Variants in C1orf54 observed in about 807,000 individuals in gnomAD.
The protein encoded by C1orf54 is chromosome 1 open reading frame 54.
A neutral mutation model predicts 14.7 loss-of-function variants in C1orf54; 12 were observed. The ratio of observed to expected loss-of-function variants is 0.82; its 90% CI spans 0.52 to 1.32. The LOEUF (loss-of-function observed/expected upper bound fraction) is 1.32, where lower values mean the gene tolerates loss of function less well. C1orf54 is among the 40% of genes most tolerant of loss of function. The pLI is 0.00. For missense variants in C1orf54, 163 were observed against 162.2 expected (o/e 1.00, Z -0.03); for synonymous variants, 65 against 56.3 (o/e 1.16, Z -0.70).
At chr1:150,276,064 G>A (rs897618189) in intron 3 of C1orf54, among the ~76,000 whole-genome samples, 5 of 151,986 alleles carry the variant, frequency 3.3e-5, no homozygotes, top group Non-Finnish European at 4.4e-5. Flanking sequence ...ACTTGAATCC[G>A]GGAGATGGAG....
At chr1:150,280,573 T>TGATGTATGGCAGGGCGGG (rs1653008305) in intron 5 of C1orf54, among the ~76,000 whole-genome samples, 1 of 152,026 alleles carries the variant, frequency 6.6e-6, no homozygotes, top group Non-Finnish European at 1.5e-5. Flanking sequence ...GGCAGGGCGG[T>TGATGTATGGCAGGGCGGG]GGGAGAGAAG....
rs782582490 is a variant in C1orf54, at chr1:150,279,707, C to T, written c.365C>T (p.Ala122Val). The T allele has an allele frequency of 1.1e-5, 17 of 1,612,936 alleles. No individual in the cohort carries two copies. The highest frequency in any genetic ancestry group is 1.7e-5 in the Admixed American group (1 of 59,836). Reference protein sequence around the residue: ...RSPIPLLLSCAFVQVGMYFM With the variant: ...RSPIPLLLSCVFVQVGMYFM The stretch of plus-strand genomic sequence containing the variant: ...CCTATTCCCCTCCTCCTGTCGTGTG[C>T]CTTTGTTCAGGTGGGGATGTATTTC... The change falls in exon 5 of 6, where the codon GCC (alanine) becomes GTC (valine). Residue 122 changes from alanine to valine, a missense_variant. Physicochemically the swap from Ala to Val is moderately conservative, Grantham distance 64 (BLOSUM62 0). Coordinates refer to ENST00000369099, the MANE Select transcript of C1orf54 (RefSeq NM_024579.4).
intron 4 of C1orf54, among the ~76,000 whole-genome samples, chr1:150,276,910 T>C (rs1178241214): frequency 2.0e-5 from 3 of 147,910 alleles, no homozygotes; most frequent in Non-Finnish European, 3.0e-5. Context: ...CTGATGCTGA[T>C]AAAAAAGAAA....
intron 3 of C1orf54, 85 bp downstream of exon 3, chr1:150,275,884 C>T: frequency 7.9e-7 from 1 of 1,260,088 alleles, no homozygotes; most frequent in Non-Finnish European, 1.1e-6. Context: ...TGCCTATAAT[C>T]CCAGCACTTT....
chr1:150,269,019 G>A (rs200019584), upstream of C1orf54: 9 of 517,988 alleles, frequency 1.7e-5, no homozygotes, highest in East Asian at 6.6e-5. Flanking sequence ...CCGAAGAGGG[G>A]ACAAATCCCG....
chr1:150,280,705 T>C, intron 5 of C1orf54, 130 bp from the exon 6 acceptor site: 1 of 689,188 alleles, frequency 1.5e-6, no homozygotes, highest in South Asian at 1.7e-5. Flanking sequence ...ACACACATCT[T>C]TCCCAGGAGC....
At chr1:150,276,242 G>T in intron 3 of C1orf54, among the ~76,000 whole-genome samples, 1 of 152,164 alleles carries the variant, frequency 6.6e-6, no homozygotes, top group East Asian at 1.9e-4. Flanking sequence ...TAAGTAGTAG[G>T]CCCAAAACAG....
intron 1 of C1orf54, 91 bp downstream of exon 1, chr1:150,272,954 A>G: frequency 1.5e-6 from 2 of 1,378,968 alleles, no homozygotes; most frequent in Non-Finnish European, 2.1e-6. Context: ...TGAGAGGTAC[A>G]TTTCAGTGGG....
Position 150,279,684 on chromosome 1 carries a change from T to C in C1orf54, c.342T>C (p.Pro114=), listed in dbSNP as rs782687729. Residue 114 remains proline (P), a synonymous_variant, in exon 5 of 6, where the codon CCT becomes CCC. Coordinates refer to ENST00000369099, the MANE Select transcript of C1orf54 (RefSeq NM_024579.4). ...ATGCCGTGTCCAGTTTGCGAAGTCC[T>C]ATTCCCCTCCTCCTGTCGTGTGCCT... ...LNDAVSSLRS[P]IPLLLSCAFV... 1.9e-5 allele frequency: 31 copies of C among 1,613,276 alleles called. No homozygotes were observed. The highest frequency in any genetic ancestry group is 2.5e-5 in the Non-Finnish European group (30 of 1,179,654).
At chr1:150,272,976 T>C in intron 1 of C1orf54, 113 bp downstream of exon 1, 1 of 1,207,356 alleles carries the variant, frequency 8.3e-7, no homozygotes, top group Non-Finnish European at 1.2e-6. Context: ...AGCGATAGAG[T>C]TTTCTCATCG....
upstream of C1orf54, among the ~76,000 whole-genome samples, chr1:150,270,358 G>C (rs587612702): frequency 2.6e-5 from 4 of 152,178 alleles, no homozygotes; most frequent in South Asian, 8.3e-4. Context: ...GATTTACACG[G>C]AGGCTGGTCA....
At chr1:150,272,542 G>A, upstream of C1orf54, 1 of 438,182 alleles carries the variant, frequency 2.3e-6, no homozygotes, top group East Asian at 4.2e-5. Flanking sequence ...GACAGTGGGA[G>A]TCTTGAATGG....
At chr1:150,274,468 C>T (rs1029168517) in intron 2 of C1orf54, among the ~76,000 whole-genome samples, 8 of 151,450 alleles carry the variant, frequency 5.3e-5, no homozygotes, top group South Asian at 2.1e-4. Flanking sequence ...GGTGTGGTGG[C>T]GGGTGCCTGC....
At chr1:150,271,727 G>A (rs1412140365), upstream of C1orf54, among the ~76,000 whole-genome samples, 14 of 152,336 alleles carry the variant, frequency 9.2e-5, no homozygotes, top group Admixed American at 5.2e-4. Flanking sequence ...CCTGTAGGAC[G>A]GAATGAAGGG....
At chr1:150,271,064 T>G (rs1256425406), upstream of C1orf54, among the ~76,000 whole-genome samples, 1 of 151,618 alleles carries the variant, frequency 6.6e-6, no homozygotes, top group East Asian at 1.9e-4. Flanking sequence ...CAGTATGTCC[T>G]GCTTCTGAGC....
At position 150,274,084 on chromosome 1, in the gene C1orf54, T is replaced by C. The variant is rs782234048; in HGVS notation, c.47-3T>C. On this transcript the variant is annotated splice_region_variant and splice_polypyrimidine_tract_variant and intron_variant, in intron 1 of 5. Coordinates refer to ENST00000369099, the MANE Select transcript of C1orf54 (RefSeq NM_024579.4). Reference sequence around the variant, plus strand: ...CCTTGACCTCTAGTCCTTGTCCCCATAGGACAAGAATATGAGGATGAAGAA... The same window carrying C: ...CCTTGACCTCTAGTCCTTGTCCCCACAGGACAAGAATATGAGGATGAAGAA... The C allele has an allele frequency of 1.8e-5, 29 of 1,602,206 alleles. No individual in the cohort carries two copies. The highest frequency in any genetic ancestry group is 2.2e-5 in the East Asian group (1 of 44,812).
At chr1:150,270,417 G>T (rs759136396), upstream of C1orf54, among the ~76,000 whole-genome samples, 13 of 150,926 alleles carry the variant, frequency 8.6e-5, no homozygotes, top group Non-Finnish European at 1.9e-4. Flanking sequence ...CAAGGCGGCT[G>T]GATCACTTGA....
intron 1 of C1orf54, 60 bp from the exon 2 acceptor site, chr1:150,274,027 T>C: frequency 8.7e-7 from 1 of 1,151,462 alleles, no homozygotes; most frequent in Non-Finnish European, 1.3e-6. Context: ...CATCTCCAGG[T>C]GTCCTTTTGT....
chr1:150,279,696 C>T lies in C1orf54; in HGVS notation c.354C>T (p.Leu118=), dbSNP rs1652945517. Residue 118 remains leucine (L), a synonymous_variant, in exon 5 of 6, where the codon CTC becomes CTT. Coordinates refer to ENST00000369099, the MANE Select transcript of C1orf54 (RefSeq NM_024579.4). The part of the protein sequence containing the change: ...VSSLRSPIPL[L]LSCAFVQVGM... Reference sequence around the variant, plus strand: ...GTTTGCGAAGTCCTATTCCCCTCCTCCTGTCGTGTGCCTTTGTTCAGGTGG... The same window carrying T: ...GTTTGCGAAGTCCTATTCCCCTCCTTCTGTCGTGTGCCTTTGTTCAGGTGG... 6.2e-7 allele frequency: 1 copy of T among 1,613,176 alleles called. No homozygotes were observed. The highest frequency in any genetic ancestry group is 1.3e-5 in the African/African-American group (1 of 74,898).
Sources: gnomAD v4.1 joint callset for allele counts (sites outside exome capture counted in the v4.1 genomes callset) on GRCh38, gnomAD v4.1.1 for gene constraint, MANE v1.5 for transcripts, NCBI Gene and HGNC (gene_info 2026-07-23, HGNC 2026-07-21) for gene names.